The following PRKD1 variants were observed in gnomAD, a reference collection of about 807,000 sequenced individuals.
PRKD1 encodes the protein protein kinase D1.
A neutral mutation model predicts 95.9 loss-of-function variants in PRKD1; 63 were observed. That is an observed-to-expected ratio of 0.66 (90% CI 0.54 to 0.81). The LOEUF (loss-of-function observed/expected upper bound fraction) is 0.81, where lower values mean the gene tolerates loss of function less well. Among genes scored for constraint, PRKD1 ranks in the 30% least tolerant of loss-of-function variants. The pLI, the probability that PRKD1 is intolerant of heterozygous loss-of-function variation, is 0.00. For synonymous variants in PRKD1, 425 were observed against 423.1 expected (o/e 1.00, Z -0.05); for missense variants, 1,048 against 1,165.3 (o/e 0.90, Z 1.47).
chr14:29,709,864 A>G (rs563580078), intron 2 of PRKD1, among the ~76,000 whole-genome samples: 2 of 152,316 alleles, frequency 1.3e-5, no homozygotes, highest in African/African-American at 2.4e-5. Context: ...TATAAATATT[A>G]ATCTCATTCA....
chr14:29,721,313 T>C (rs113900038), intron 2 of PRKD1, among the ~76,000 whole-genome samples: 2 of 152,226 alleles, frequency 1.3e-5, no homozygotes, highest in Non-Finnish European at 2.9e-5. Context: ...AAGAAAAACA[T>C]TTATTTTTTA....
intron 1 of PRKD1, among the ~76,000 whole-genome samples, chr14:29,924,687 C>T (rs556344752): frequency 2.0e-5 from 3 of 152,294 alleles, no homozygotes; most frequent in South Asian, 2.1e-4. Context: ...AAACCCTCTG[C>T]TCTCTCCTGA....
chr14:29,922,510 AATTC>A (rs1895155721), intron 1 of PRKD1, among the ~76,000 whole-genome samples: 3 of 152,150 alleles, frequency 2.0e-5, no homozygotes, highest in African/African-American at 7.2e-5. Flanking sequence ...ACTACATATA[AATTC>A]CACATCTGTA....
intron 1 of PRKD1, among the ~76,000 whole-genome samples, chr14:29,872,754 A>T (rs1267699962): frequency 1.3e-5 from 2 of 152,200 alleles, no homozygotes; most frequent in Non-Finnish European, 2.9e-5. Context: ...GCTGTGGAAC[A>T]AATCAATCTA....
chr14:29,654,179 T>C (rs1320874105), intron 4 of PRKD1, among the ~76,000 whole-genome samples: 2 of 152,134 alleles, frequency 1.3e-5, no homozygotes, highest in African/African-American at 4.8e-5. Flanking sequence ...CTTTATTTAT[T>C]ATTATTTTTT....
intron 9 of PRKD1, 76 bp downstream of exon 9, chr14:29,632,793 C>T: frequency 7.5e-7 from 1 of 1,334,830 alleles, no homozygotes; most frequent in Non-Finnish European, 1.1e-6. Context: ...GGATGTATTT[C>T]CTATTTCTTA....
At chr14:29,873,923 G>T (rs1012956636) in intron 1 of PRKD1, among the ~76,000 whole-genome samples, 5 of 152,072 alleles carry the variant, frequency 3.3e-5, no homozygotes, top group Non-Finnish European at 5.9e-5. Flanking sequence ...TAGTGTGTGT[G>T]TTTAAAAGAC....
chr14:29,652,093 G>T (rs932980602), intron 4 of PRKD1, among the ~76,000 whole-genome samples: 1 of 152,040 alleles, frequency 6.6e-6, no homozygotes, highest in African/African-American at 2.4e-5. Flanking sequence ...ATGAGCAGTC[G>T]GTAATTAAGG....
intron 3 of PRKD1, 130 bp from the exon 4 acceptor site, chr14:29,663,989 T>C: frequency 1.0e-6 from 1 of 992,704 alleles, no homozygotes; most frequent in South Asian, 1.8e-5. Context: ...GAAATTCACA[T>C]TTTCTTTTGA....
intron 4 of PRKD1, among the ~76,000 whole-genome samples, chr14:29,651,966 G>A (rs1441135917): frequency 1.3e-5 from 2 of 152,088 alleles, no homozygotes; most frequent in African/African-American, 2.4e-5. Flanking sequence ...GGCTGGTCTC[G>A]AACTCCTGAC....
intron 13 of PRKD1, among the ~76,000 whole-genome samples, chr14:29,600,723 A>G (rs1368967097): frequency 1.3e-5 from 2 of 152,190 alleles, no homozygotes; most frequent in South Asian, 2.1e-4. Flanking sequence ...GTCTTTCCAC[A>G]ATAAAGTAAT....
intron 4 of PRKD1, among the ~76,000 whole-genome samples, chr14:29,662,881 A>G (rs764845340): frequency 6.6e-6 from 1 of 151,716 alleles, no homozygotes; most frequent in East Asian, 1.9e-4. Flanking sequence ...GAGGGGGTAA[A>G]TATGGGAAAT....
chr14:29,912,695 A>G (rs1486132547), intron 1 of PRKD1, among the ~76,000 whole-genome samples: 2 of 152,220 alleles, frequency 1.3e-5, no homozygotes, highest in Non-Finnish European at 2.9e-5. Context: ...TTTCTAAATA[A>G]TCAAAGACAT....
intron 1 of PRKD1, among the ~76,000 whole-genome samples, chr14:29,761,561 A>G (rs748258331): frequency 6.6e-6 from 1 of 152,164 alleles, no homozygotes; most frequent in Non-Finnish European, 1.5e-5. Flanking sequence ...GTGCACATTT[A>G]AAGTTCTCAT....
intron 10 of PRKD1, 102 bp downstream of exon 10, chr14:29,630,640 T>G (rs1487060131): frequency 1.4e-6 from 2 of 1,447,656 alleles, no homozygotes; most frequent in East Asian, 4.6e-5. Context: ...CCCCAAGAAG[T>G]CTTTCTTCAT....
chr14:29,760,459 G>A (rs1887925825), intron 1 of PRKD1, among the ~76,000 whole-genome samples: 1 of 150,492 alleles, frequency 6.6e-6, no homozygotes, highest in African/African-American at 2.4e-5. Flanking sequence ...GGGTACAAGC[G>A]ATTCTCCCGC....
intron 1 of PRKD1, among the ~76,000 whole-genome samples, chr14:29,830,230 T>G (rs1402139473): frequency 6.6e-6 from 1 of 152,176 alleles, no homozygotes; most frequent in Non-Finnish European, 1.5e-5. Context: ...AATCTGAAAT[T>G]TGTTTAAAAT....
intron 1 of PRKD1, among the ~76,000 whole-genome samples, chr14:29,877,593 GT>G (rs1893345818): frequency 6.6e-6 from 1 of 152,178 alleles, no homozygotes; most frequent in African/African-American, 2.4e-5. Context: ...CATTGCCAAG[GT>G]TGTCTTCCAG....
intron 1 of PRKD1, among the ~76,000 whole-genome samples, chr14:29,799,826 T>A (rs1889954505): frequency 6.6e-6 from 1 of 152,240 alleles, no homozygotes. Flanking sequence ...AACTACCCAA[T>A]GTACACATTC....
Sources: allele counts gnomAD v4.1 joint callset (sites outside exome capture counted in the v4.1 genomes callset), GRCh38; gene constraint gnomAD v4.1.1; transcripts MANE v1.5; gene names NCBI Gene and HGNC (gene_info 2026-07-23, HGNC 2026-07-21).